Variants in TRPA1 observed in about 807,000 individuals in gnomAD.
TRPA1 encodes the protein transient receptor potential cation channel subfamily A member 1.
In TRPA1, 129 loss-of-function variants were observed where a neutral mutation model predicts 131.3. That is an observed-to-expected ratio of 0.98 (90% CI 0.85 to 1.14). The LOEUF is 1.14. Ranked by LOEUF, TRPA1 falls within the 50% of genes most tolerant of loss-of-function variation. The pLI is 0.00. For missense variants in TRPA1, 1,304 were observed against 1,354.2 expected (o/e 0.96, Z 0.58); for synonymous variants, 441 against 451.7 (o/e 0.98, Z 0.30).
intron 5 of TRPA1, 116 bp downstream of exon 5, chr8:72,063,347 T>C: frequency 1.3e-6 from 1 of 742,482 alleles, no homozygotes; most frequent in Non-Finnish European, 2.2e-6. Flanking sequence ...ACCACTGCAC[T>C]CCAGCCTGGG....
In TRPA1 at chr8:72,071,835, T is replaced by C. The variant is rs761129763; in HGVS notation, c.144A>G (p.Gln48=). 75 of 1,612,308 alleles carry C rather than the reference T, an allele frequency of 4.7e-5. No individual in the cohort carries two copies. The highest frequency in any genetic ancestry group is 6.2e-5 in the Non-Finnish European group (73 of 1,179,830). The part of the protein sequence containing the change: ...VVFEGSAYGL[Q]NFNKQKKLKR... ...TTAATTTCTTTTGCTTATTAAAGTTTTGTAATCCATATGCACTTCCTTCAA... is the reference window on the plus strand; with the variant it reads ...TTAATTTCTTTTGCTTATTAAAGTTCTGTAATCCATATGCACTTCCTTCAA... The change falls in exon 2 of 27, where the codon CAA becomes CAG. Residue 48 remains glutamine (Q), a synonymous_variant. Coordinates refer to ENST00000262209, the MANE Select transcript of TRPA1 (RefSeq NM_007332.3).
At chr8:72,059,511 C>A in intron 7 of TRPA1, 73 bp from the exon 8 acceptor site, 1 of 923,506 alleles carries the variant, frequency 1.1e-6, no homozygotes, top group Non-Finnish European at 1.7e-6. Context: ...AATAAAGCTA[C>A]TATATTCGGA....
chr8:72,041,766 A>AT (rs35931846), intron 17 of TRPA1, among the ~76,000 whole-genome samples: 1 of 151,898 alleles, frequency 6.6e-6, no homozygotes, highest in Non-Finnish European at 1.5e-5. Flanking sequence ...AAGAAGAAAG[A>AT]TTTTAAATCC....
At chr8:72,045,501 T>C (rs1007734671) in intron 17 of TRPA1, among the ~76,000 whole-genome samples, 1 of 150,696 alleles carries the variant, frequency 6.6e-6, no homozygotes, top group Admixed American at 6.7e-5. Context: ...AAACAAATTT[T>C]TAACTTTATT....
the TRPA1 span, among the ~76,000 whole-genome samples, chr8:72,084,112 C>T: frequency 6.6e-6 from 1 of 152,094 alleles, no homozygotes; most frequent in Non-Finnish European, 1.5e-5. Context: ...CATTAGGCTA[C>T]AGAACTGTTT....
chr8:72,078,934 T>A (rs1405507245), upstream of TRPA1, among the ~76,000 whole-genome samples: 1 of 152,070 alleles, frequency 6.6e-6, no homozygotes, highest in Non-Finnish European at 1.5e-5. Context: ...TGTCAATCTT[T>A]TTTTATTATG....
At chr8:72,025,033 T>C (rs1811538723) in intron 25 of TRPA1, among the ~76,000 whole-genome samples, 1 of 152,134 alleles carries the variant, frequency 6.6e-6, no homozygotes, top group East Asian at 1.9e-4. Context: ...TCCATTATAA[T>C]GCAATTGTCT....
chr8:72,059,211 T>C (rs1356492497), intron 8 of TRPA1, among the ~76,000 whole-genome samples, 179 bp downstream of exon 8: 2 of 152,248 alleles, frequency 1.3e-5, no homozygotes, highest in African/African-American at 2.4e-5. Flanking sequence ...AGTTTGGCTG[T>C]TACGTATTCA....
chr8:72,043,125 G>A (rs1455149286), intron 17 of TRPA1, among the ~76,000 whole-genome samples: 2 of 151,634 alleles, frequency 1.3e-5, no homozygotes, highest in African/African-American at 4.8e-5. Context: ...CTGGAACATC[G>A]GGATAAGGCC....
chr8:72,081,723 CT>C, the TRPA1 span, among the ~76,000 whole-genome samples: 1 of 151,146 alleles, frequency 6.6e-6, no homozygotes, highest in African/African-American at 2.4e-5. Flanking sequence ...CTATATTTTC[CT>C]TTTTATCATT....
At chr8:72,029,547 C>T (rs1317965055) in intron 24 of TRPA1, among the ~76,000 whole-genome samples, 3 of 152,214 alleles carry the variant, frequency 2.0e-5, no homozygotes, top group Non-Finnish European at 2.9e-5. Context: ...TTTAAATAAA[C>T]GTGATGCAGA....
intron 2 of TRPA1, among the ~76,000 whole-genome samples, chr8:72,069,648 A>C (rs1345837167): frequency 2.0e-5 from 3 of 152,178 alleles, no homozygotes; most frequent in African/African-American, 4.8e-5. Context: ...CAGAGAGGTT[A>C]AAAGTCTTGC....
chr8:72,035,645 C>T (rs891200498), intron 21 of TRPA1, among the ~76,000 whole-genome samples: 1 of 151,898 alleles, frequency 6.6e-6, no homozygotes, highest in Non-Finnish European at 1.5e-5. Flanking sequence ...GGCTTTTTTC[C>T]CTGTCTAGAA....
intron 7 of TRPA1, among the ~76,000 whole-genome samples, chr8:72,059,904 T>C (rs1231857466): frequency 6.6e-6 from 1 of 152,192 alleles, no homozygotes; most frequent in Non-Finnish European, 1.5e-5. Flanking sequence ...TCTGAGTTTT[T>C]ATGAAGCCAA....
chr8:72,072,712 T>G (rs1414547283), intron 1 of TRPA1, among the ~76,000 whole-genome samples: 1 of 152,200 alleles, frequency 6.6e-6, no homozygotes, highest in East Asian at 1.9e-4. Flanking sequence ...TTTTGGTACT[T>G]GAATTTGATA....
intron 13 of TRPA1, chr8:72,053,277 C>CTTT: frequency 1.6e-5 from 3 of 183,938 alleles, no homozygotes; most frequent in Non-Finnish European, 2.2e-5. Flanking sequence ...CACTTAAAGA[C>CTTT]TTTTTTTTTT....
chr8:72,071,763 T>C lies in TRPA1; in HGVS notation c.216A>G (p.Ala72=). The part of the protein sequence containing the change: ...MDTFFLHYAA[A]EGQIELMEKI... ...TCTCCATTAGCTCAATTTGGCCTTC[T>C]GCTGCAGCATAATGCAAGAAGAAGG... Residue 72 remains alanine, a synonymous_variant, in exon 2 of 27, where the codon GCA becomes GCG. Transcript: ENST00000262209. 6.2e-7 allele frequency: 1 copy of C among 1,613,838 alleles called. No individual in the cohort carries two copies. Among genetic ancestry groups the C allele is most frequent in the Non-Finnish European group, 8.5e-7 (1 of 1,179,886 alleles).
chr8:72,064,291 G>T (rs1805878886), intron 4 of TRPA1, among the ~76,000 whole-genome samples: 1 of 150,300 alleles, frequency 6.7e-6, no homozygotes, highest in Non-Finnish European at 1.5e-5. Flanking sequence ...AGAGAGTCCA[G>T]AAATTGAAGA....
At chr8:72,074,212 A>G (rs1806126329) in intron 1 of TRPA1, among the ~76,000 whole-genome samples, 1 of 152,234 alleles carries the variant, frequency 6.6e-6, no homozygotes, top group African/African-American at 2.4e-5. Flanking sequence ...CAAACACAAA[A>G]CAGCTTAAGT....
Sources: allele counts gnomAD v4.1 joint callset (sites outside exome capture counted in the v4.1 genomes callset), GRCh38; gene constraint gnomAD v4.1.1; transcripts MANE v1.5; gene names NCBI Gene and HGNC (gene_info 2026-07-23, HGNC 2026-07-21).